The following CDH20 variants were observed in gnomAD, a reference collection of about 807,000 sequenced individuals.
CDH20 encodes cadherin-20.
Under a neutral mutation model 74.2 loss-of-function variants are expected in CDH20, and 29 were observed. The ratio of observed to expected loss-of-function variants is 0.39; its 90% CI spans 0.29 to 0.53. The LOEUF is 0.53. Ranked by LOEUF, CDH20 falls within the 20% of genes least tolerant of loss-of-function variation. The pLI is 0.69. For missense variants in CDH20, 988 were observed against 1,048.3 expected (o/e 0.94, Z 0.79); for synonymous variants, 469 against 405.4 (o/e 1.16, Z -1.88).
intron 1 of CDH20, among the ~76,000 whole-genome samples, chr18:61,489,644 T>A (rs925882280): frequency 4.3e-4 from 65 of 151,904 alleles, no homozygotes; most frequent in African/African-American, 1.5e-3. Flanking sequence ...AGAAAGGAGA[T>A]TTGTTGACTA....
chr18:61,434,300 A>G (rs1429443642), intron 1 of CDH20, among the ~76,000 whole-genome samples: 1 of 152,198 alleles, frequency 6.6e-6, no homozygotes, highest in Non-Finnish European at 1.5e-5. Context: ...ATAGATACCC[A>G]TTGAACTGAT....
intron 1 of CDH20, among the ~76,000 whole-genome samples, chr18:61,389,029 C>T (rs1001192612): frequency 1.3e-5 from 2 of 152,062 alleles, no homozygotes; most frequent in African/African-American, 2.4e-5. Context: ...AATTTTGCTC[C>T]GAGAAGTTCC....
At chr18:61,501,035 C>G (rs1392194624) in intron 4 of CDH20, among the ~76,000 whole-genome samples, 1 of 152,092 alleles carries the variant, frequency 6.6e-6, no homozygotes, top group African/African-American at 2.4e-5. Context: ...TTGAACCAAC[C>G]ACTGTGCACT....
chr18:61,364,401 C>T (rs545098710), intron 1 of CDH20, among the ~76,000 whole-genome samples: 1 of 152,294 alleles, frequency 6.6e-6, no homozygotes, highest in East Asian at 1.9e-4. Context: ...CAACCTCCAC[C>T]TCCCCCATTC....
chr18:61,359,551 A>G lies in CDH20; in HGVS notation c.-153+25724A>G, dbSNP rs949949394. On this transcript the variant is annotated intron_variant, in intron 1 of 11. Transcript: ENST00000262717. ...ACTTCACTGAACAAGGGTGGGGAGC[A>G]TGGATTATGTGGTAAAGTAGAAATA... is the stretch of plus-strand genomic sequence containing the variant. Among the ~76,000 whole-genome samples the G allele has an allele frequency of 3.3e-5, 5 of 152,168 alleles. No individual in the cohort carries two copies. In the East Asian group the frequency reaches 9.6e-4, roughly 29 times the overall value.
At chr18:61,341,232 A>G (rs781302512) in intron 1 of CDH20, among the ~76,000 whole-genome samples, 1 of 152,214 alleles carries the variant, frequency 6.6e-6, no homozygotes, top group Non-Finnish European at 1.5e-5. Context: ...GCTGAAGTCC[A>G]AGATCAAGGT....
rs1046404687 is a variant in CDH20 at position 61,545,937 on chromosome 18, G to A, written c.1648+793G>A. Among the ~76,000 whole-genome samples, 2 of 152,018 alleles carry A rather than the reference G, an allele frequency of 1.3e-5. 1 individual carries two copies. Among genetic ancestry groups the A allele is most frequent in the Non-Finnish European group, 2.9e-5 (2 of 68,010 alleles). On this transcript the variant is annotated intron_variant, in intron 10 of 11. Transcript: ENST00000262717. ...CAACAAGCATTCAGACCAGCTAAGG[G>A]GCTCATAGACCCAGCACACTCTTCT...
chr18:61,382,823 A>T (rs970434846), intron 1 of CDH20, among the ~76,000 whole-genome samples: 4 of 152,220 alleles, frequency 2.6e-5, no homozygotes, highest in Non-Finnish European at 4.4e-5. Flanking sequence ...GTAAGAACTC[A>T]CAATGAACAG....
At chr18:61,457,771 G>A (rs1196334617) in intron 1 of CDH20, among the ~76,000 whole-genome samples, 1 of 152,062 alleles carries the variant, frequency 6.6e-6, no homozygotes, top group African/African-American at 2.4e-5. Flanking sequence ...TTTGGGAATT[G>A]AGGAAAACCA....
At chr18:61,408,933 C>G (rs1912412415) in intron 1 of CDH20, among the ~76,000 whole-genome samples, 1 of 152,054 alleles carries the variant, frequency 6.6e-6, no homozygotes, top group South Asian at 2.1e-4. Context: ...AAATGACAGA[C>G]CAGACCTTTT....
At position 61,353,137 on chromosome 18, in the gene CDH20, C is replaced by T. The variant is rs112525226; in HGVS notation, c.-153+19310C>T. On this transcript the variant is annotated intron_variant, in intron 1 of 11. Coordinates refer to ENST00000262717, the MANE Select transcript of CDH20 (RefSeq NM_031891.4). This position sits in a 1 kb window ranked among gnomAD's most constrained non-coding sequence, Gnocchi z 4.6. ...CATGATGTGTGCCCCAACAAAGGCG[C>T]GGGTCTGATACATCAGTTTCTAACT... 0.014 allele frequency among the ~76,000 whole-genome samples: 2,126 copies of T among 152,248 alleles called. 30 individuals are homozygous for T. Among genetic ancestry groups the T allele is most frequent in the African/African-American group, 0.027 (1,125 of 41,540 alleles).
At chr18:61,356,216 T>C (rs1366051786) in intron 1 of CDH20, among the ~76,000 whole-genome samples, 1 of 152,246 alleles carries the variant, frequency 6.6e-6, no homozygotes, top group Non-Finnish European at 1.5e-5. Flanking sequence ...CAATAAACTC[T>C]TTTCAGAGTT....
intron 1 of CDH20, among the ~76,000 whole-genome samples, chr18:61,422,149 G>C (rs888241073): frequency 6.6e-6 from 1 of 152,066 alleles, no homozygotes; most frequent in Non-Finnish European, 1.5e-5. Flanking sequence ...CGGTTCTTTA[G>C]CTCCATGGGA....
At chr18:61,486,069 T>G (rs1219460706) in intron 1 of CDH20, among the ~76,000 whole-genome samples, 1 of 77,828 alleles carries the variant, frequency 1.3e-5, no homozygotes, top group African/African-American at 5.8e-5. Context: ...CGAGACTCCA[T>G]CTCAAAAAAA....
At chr18:61,450,086 T>A (rs1190334570) in intron 1 of CDH20, among the ~76,000 whole-genome samples, 2 of 152,052 alleles carry the variant, frequency 1.3e-5, no homozygotes, top group African/African-American at 2.4e-5. Flanking sequence ...CAGCATCCTA[T>A]TCTGTATGTA....
At chr18:61,390,502 G>T (rs1911745436) in intron 1 of CDH20, among the ~76,000 whole-genome samples, 1 of 152,048 alleles carries the variant, frequency 6.6e-6, no homozygotes, top group Admixed American at 6.6e-5. Context: ...CCATTTTGAA[G>T]AATAAATATT....
At chr18:61,510,980 C>T (rs112278198) in intron 6 of CDH20, among the ~76,000 whole-genome samples, 53 of 135,984 alleles carry the variant, frequency 3.9e-4, no homozygotes, top group East Asian at 1.3e-3. Context: ...TTCTTTCTTT[C>T]TTTTTTTTTT....
At chr18:61,545,275 T>A in intron 10 of CDH20, 131 bp downstream of exon 10, 3 of 594,604 alleles carry the variant, frequency 5.0e-6, no homozygotes. Flanking sequence ...AATAATTCAG[T>A]GTATTTTTTT....
At chr18:61,544,961 A>T in intron 9 of CDH20, 66 bp from the exon 10 acceptor site, 1 of 1,058,030 alleles carries the variant, frequency 9.5e-7, no homozygotes, top group Non-Finnish European at 1.5e-6. Context: ...CGGGTTTGGG[A>T]TTTAACTGGG....
Sources: allele counts gnomAD v4.1 joint callset (sites outside exome capture counted in the v4.1 genomes callset), GRCh38; gene constraint gnomAD v4.1.1; non-coding constraint Gnocchi (gnomAD v3.1); transcripts MANE v1.5; gene names NCBI Gene and HGNC (gene_info 2026-07-23, HGNC 2026-07-21).